Variants in KIF26B observed in about 807,000 individuals in gnomAD.
KIF26B encodes the protein kinesin-like protein KIF26B.
Under a neutral mutation model 151.2 loss-of-function variants are expected in KIF26B, and 63 were observed. That is an observed-to-expected ratio of 0.42 (90% CI 0.34 to 0.51). The LOEUF (loss-of-function observed/expected upper bound fraction) is 0.51. Ranked by LOEUF, KIF26B falls within the 20% of genes least tolerant of loss-of-function variation. KIF26B has a pLI of 0.07. For synonymous variants in KIF26B, 1,357 were observed against 1,262.1 expected (o/e 1.08, Z -1.59); for missense variants, 2,813 against 2,913.6 (o/e 0.97, Z 0.79).
chr1:245,231,137 A>C (rs938647965), intron 2 of KIF26B, among the ~76,000 whole-genome samples: 2 of 152,184 alleles, frequency 1.3e-5, no homozygotes, highest in African/African-American at 4.8e-5. Context: ...TCAGAGAAAA[A>C]GTGATATATA....
chr1:245,172,652 A>G (rs1192236546), intron 2 of KIF26B, among the ~76,000 whole-genome samples: 1 of 152,208 alleles, frequency 6.6e-6, no homozygotes, highest in Non-Finnish European at 1.5e-5. Context: ...TCTACTAAAA[A>G]TACAAAAATT....
intron 3 of KIF26B, among the ~76,000 whole-genome samples, chr1:245,393,127 C>T (rs576363274): frequency 7.9e-5 from 12 of 152,178 alleles, no homozygotes; most frequent in African/African-American, 2.4e-4. Context: ...GCCAAGATCC[C>T]GCCACTGCAC....
chr1:245,427,588 G>A (rs1415715294), intron 4 of KIF26B, among the ~76,000 whole-genome samples: 6 of 152,168 alleles, frequency 3.9e-5, no homozygotes, highest in African/African-American at 1.4e-4. Context: ...AGCCTGGACA[G>A]CAAGGGTGAG....
chr1:245,641,734 G>A (rs1192242565), intron 9 of KIF26B, among the ~76,000 whole-genome samples: 1 of 151,944 alleles, frequency 6.6e-6, no homozygotes, highest in Non-Finnish European at 1.5e-5. Flanking sequence ...GAGCTTTCTT[G>A]AAGTTCACTG....
In KIF26B at chr1:245,189,895, T is replaced by C. The variant is rs183892244; in HGVS notation, c.465+33212T>C. Reference sequence around the variant, plus strand: ...AAGGTGAAAGTCACGTCTTACATGGTGGCAGACAAGAGAGAAAGAGAGTGA... The same window carrying C: ...AAGGTGAAAGTCACGTCTTACATGGCGGCAGACAAGAGAGAAAGAGAGTGA... On this transcript the variant is annotated intron_variant, in intron 2 of 14. Coordinates refer to ENST00000407071, the MANE Select transcript of KIF26B (RefSeq NM_018012.4). 4.4e-3 allele frequency among the ~76,000 whole-genome samples: 669 copies of C among 152,282 alleles called. 6 individuals carry two copies. The highest frequency in any genetic ancestry group is 6.6e-3 in the Non-Finnish European group (449 of 68,024).
intron 4 of KIF26B, among the ~76,000 whole-genome samples, chr1:245,509,371 G>C (rs559884378): frequency 9.9e-5 from 15 of 152,268 alleles, no homozygotes; most frequent in African/African-American, 3.6e-4. Flanking sequence ...TTTAAGGGAT[G>C]GTTTGCCTGA....
At chr1:245,444,176 A>AGGC (rs1256418702) in intron 4 of KIF26B, among the ~76,000 whole-genome samples, 1 of 146,106 alleles carries the variant, frequency 6.8e-6, no homozygotes. Flanking sequence ...GTTCACCTAG[A>AGGC]GTGGTCATCT....
At chr1:245,250,072 C>A (rs965580683) in intron 2 of KIF26B, among the ~76,000 whole-genome samples, 1 of 152,112 alleles carries the variant, frequency 6.6e-6, no homozygotes, top group African/African-American at 2.4e-5. Flanking sequence ...AGCTTTCATG[C>A]ATATTTAGCA....
intron 4 of KIF26B, among the ~76,000 whole-genome samples, chr1:245,435,637 T>G (rs577157688): frequency 8.2e-4 from 125 of 152,250 alleles, no homozygotes; most frequent in African/African-American, 2.9e-3. Context: ...CTGTGGAAAG[T>G]TTGTCAGTTT....
intron 2 of KIF26B, among the ~76,000 whole-genome samples, chr1:245,177,851 T>C (rs6668478): frequency 0.16 from 24,610 of 152,066 alleles, 2,862 homozygotes; most frequent in African/African-American, 0.32. Context: ...TGGCTTCAGG[T>C]CCTATGTTTT....
intron 2 of KIF26B, among the ~76,000 whole-genome samples, chr1:245,304,480 G>A (rs1671499266): frequency 1.3e-5 from 2 of 152,152 alleles, no homozygotes; most frequent in South Asian, 2.1e-4. Context: ...CTCTTGAATC[G>A]TCAGAAATAT....
At chr1:245,320,926 C>T (rs1326734750) in intron 2 of KIF26B, among the ~76,000 whole-genome samples, 1 of 152,214 alleles carries the variant, frequency 6.6e-6, no homozygotes, top group Non-Finnish European at 1.5e-5. Context: ...GATCTCCCCG[C>T]GTCGTCCTCC....
chr1:245,347,957 G>A (rs1672487621), intron 2 of KIF26B, among the ~76,000 whole-genome samples: 3 of 152,192 alleles, frequency 2.0e-5, no homozygotes, highest in Admixed American at 2.0e-4. Flanking sequence ...CCCATGTTAT[G>A]GGTGAGGAAA....
rs1454904942 is a variant in KIF26B at position 245,191,013 on chromosome 1, C to T, written c.465+34330C>T. Among the ~76,000 whole-genome samples the T allele has an allele frequency of 1.2e-4, 14 of 117,332 alleles. 1 individual carries two copies. Among genetic ancestry groups the T allele is most frequent in the Admixed American group, 1.1e-3 (9 of 8,406 alleles). The allele number at this position is 117,332 out of a possible 152,430, so 77.0% of individuals were successfully genotyped here. A position where few individuals can be genotyped will look rare whatever the true frequency, so the allele number is the denominator to read the frequency against. On this transcript the variant is annotated intron_variant, in intron 2 of 14. Coordinates refer to ENST00000407071, the MANE Select transcript of KIF26B (RefSeq NM_018012.4). ...GGCGGAGGTTGCAATGAGCCAAGAT[C>T]GTGCCACTGCACTCTAGCCTGGGTG...
At chr1:245,451,036 A>C (rs893569175) in intron 4 of KIF26B, among the ~76,000 whole-genome samples, 1 of 149,952 alleles carries the variant, frequency 6.7e-6, no homozygotes, top group Non-Finnish European at 1.5e-5. Flanking sequence ...GGAAACTTTG[A>C]CTTTTGTTTT....
chr1:245,336,717 C>T (rs1672241539), intron 2 of KIF26B, among the ~76,000 whole-genome samples: 1 of 152,174 alleles, frequency 6.6e-6, no homozygotes, highest in Non-Finnish European at 1.5e-5. Context: ...TGACCTTCCT[C>T]ACCTGAATAC....
intron 2 of KIF26B, among the ~76,000 whole-genome samples, chr1:245,263,238 C>G (rs1344303549): frequency 6.6e-6 from 1 of 152,170 alleles, no homozygotes; most frequent in East Asian, 1.9e-4. Flanking sequence ...CTCCTTCTTC[C>G]AAGCTGTTAA....
At chr1:245,676,672 C>T (rs74973906) in intron 10 of KIF26B, among the ~76,000 whole-genome samples, 2,918 of 152,316 alleles carry the variant, frequency 0.019, 95 homozygotes, top group African/African-American at 0.066. Flanking sequence ...CTTCATCCTC[C>T]TCTGTGTACA....
intron 4 of KIF26B, among the ~76,000 whole-genome samples, chr1:245,481,940 T>A (rs10924209): frequency 4.6e-5 from 7 of 151,152 alleles, no homozygotes; most frequent in African/African-American, 1.7e-4. Flanking sequence ...TCTTCTTGGC[T>A]CTGTGTGTAC....
Sources: gnomAD v4.1 joint callset for allele counts (sites outside exome capture counted in the v4.1 genomes callset) on GRCh38, gnomAD v4.1.1 for gene constraint, MANE v1.5 for transcripts, NCBI Gene and HGNC (gene_info 2026-07-23, HGNC 2026-07-21) for gene names.